The following KICS2 variants were observed in gnomAD, a reference collection of about 807,000 sequenced individuals.
KICS2 encodes the protein KICSTOR subunit 2.
KICS2 carries 13 observed loss-of-function variants against 31.4 expected under a neutral mutation model. The observed-to-expected ratio is 0.41, with a 90% CI of 0.27 to 0.66. The LOEUF is 0.66. KICS2 is among the 30% of genes least tolerant of loss of function. The pLI is 0.28. For synonymous variants in KICS2, 209 were observed against 214.8 expected, an observed-to-expected ratio of 0.97 and a Z score of 0.24; for missense variants, 455 against 545.4, an observed-to-expected ratio of 0.83 and a Z score of 1.65.
At chr12:64,214,874 T>G (rs1392419923) in intron 2 of KICS2, among the ~76,000 whole-genome samples, 2 of 152,198 alleles carry the variant, frequency 1.3e-5, no homozygotes, top group African/African-American at 4.8e-5. Context: ...CTAAACTGTA[T>G]GGCAGAAACT....
intron 2 of KICS2, among the ~76,000 whole-genome samples, chr12:64,210,381 G>C (rs2037572307): frequency 1.3e-5 from 2 of 152,200 alleles, no homozygotes; most frequent in Admixed American, 1.3e-4. Context: ...ACTGCCCTAA[G>C]AACTTTGAAA....
chr12:64,216,553 T>C (rs1283193036), intron 1 of KICS2, among the ~76,000 whole-genome samples: 1 of 152,162 alleles, frequency 6.6e-6, no homozygotes, highest in African/African-American at 2.4e-5. Flanking sequence ...GAAAACAGAC[T>C]ACTGGGATCC....
intron 2 of KICS2, among the ~76,000 whole-genome samples, chr12:64,202,047 T>A (rs555144520): frequency 2.0e-5 from 3 of 152,328 alleles, no homozygotes; most frequent in African/African-American, 7.2e-5. Flanking sequence ...AAAATGCAAT[T>A]ATACTACAAG....
chr12:64,212,752 AT>A (rs1052086761), intron 2 of KICS2, among the ~76,000 whole-genome samples: 3 of 152,162 alleles, frequency 2.0e-5, no homozygotes, highest in Non-Finnish European at 2.9e-5. Flanking sequence ...TATATTTGCA[AT>A]TTTTTATAGC....
chr12:64,210,631 T>G (rs533270892), intron 2 of KICS2, among the ~76,000 whole-genome samples: 1 of 151,962 alleles, frequency 6.6e-6, no homozygotes, highest in Non-Finnish European at 1.5e-5. Flanking sequence ...AAAATAATTA[T>G]CCAGGGATGG....
intron 1 of KICS2, among the ~76,000 whole-genome samples, chr12:64,220,667 T>G (rs1175414355): frequency 6.6e-6 from 1 of 152,128 alleles, no homozygotes; most frequent in Non-Finnish European, 1.5e-5. Flanking sequence ...TCCACCCCAT[T>G]TTCACATATA....
At position 64,196,013 on chromosome 12, in the gene KICS2, G is replaced by A. The variant is rs1486102289; in HGVS notation, c.522-1355C>T. Reference sequence around the variant, plus strand: ...TGAGATCAAACTGCAAGGCGGCAGCGAGGCTGGGGGAGGGGCGCCCGCCAT... The same window carrying A: ...TGAGATCAAACTGCAAGGCGGCAGCAAGGCTGGGGGAGGGGCGCCCGCCAT... On this transcript the variant is annotated intron_variant, in intron 2 of 2. Transcript: ENST00000398055. 1.7e-4 allele frequency among the ~76,000 whole-genome samples: 26 copies of A among 152,312 alleles called. 1 individual carries two copies. The highest frequency in any genetic ancestry group is 6.0e-4 in the African/African-American group (25 of 41,560).
At position 64,193,409 on chromosome 12, in the gene KICS2, A is replaced by C; in HGVS notation, c.*433T>G. 1.0e-6 allele frequency: 1 copy of C among 987,044 alleles called. No individual in the cohort carries two copies. The highest frequency in any genetic ancestry group is 1.2e-6 in the Non-Finnish European group (1 of 830,980). The allele number at this position is 987,044 out of a possible 1,614,324, so 61.1% of individuals were successfully genotyped here. ...CTAATTTATGAGACAGAAAACATAT[A>C]GTTCTTAATTCTAAAAAGGCCATTT... On this transcript the variant is annotated 3_prime_UTR_variant, in exon 3 of 3. Coordinates refer to ENST00000398055, the MANE Select transcript of KICS2 (RefSeq NM_152440.5).
At chr12:64,208,556 C>A (rs2037559191) in intron 2 of KICS2, among the ~76,000 whole-genome samples, 1 of 152,144 alleles carries the variant, frequency 6.6e-6, no homozygotes. Context: ...TATACACATG[C>A]AACTAACAAA....
Position 64,218,082 on chromosome 12 carries a change from A to G in KICS2, c.236-2119T>C, listed in dbSNP as rs1429213694. ...CTGGCACATCATTTCTCCAACTAAT[A>G]CAATTAAAGTCCATATGGGTACAGG... On this transcript the variant is annotated intron_variant, in intron 1 of 2. Coordinates refer to ENST00000398055, the MANE Select transcript of KICS2 (RefSeq NM_152440.5). Among the ~76,000 whole-genome samples the G allele has an allele frequency of 2.6e-5, 4 of 152,198 alleles. No homozygotes were observed. In the East Asian group the frequency reaches 5.8e-4, roughly 22 times the overall value.
chr12:64,218,757 A>C (rs562293583), intron 1 of KICS2, among the ~76,000 whole-genome samples: 1 of 152,274 alleles, frequency 6.6e-6, no homozygotes, highest in African/African-American at 2.4e-5. Flanking sequence ...ATCTGGGGGA[A>C]CGGAAACACT....
At chr12:64,203,143 G>A (rs1435875572) in intron 2 of KICS2, among the ~76,000 whole-genome samples, 5 of 152,038 alleles carry the variant, frequency 3.3e-5, no homozygotes, top group Non-Finnish European at 5.9e-5. Flanking sequence ...TCCTCTATTC[G>A]CTCCTTTGTC....
At chr12:64,186,607 A>G (rs2037341385), downstream of KICS2, 1 of 152,250 alleles carries the variant, frequency 6.6e-6, no homozygotes, top group Non-Finnish European at 1.5e-5. Context: ...AGGCTATTTA[A>G]ACATAATGAT....
rs369744797 is a variant in KICS2 at position 64,215,793 on chromosome 12, G to A, written c.406C>T (p.Arg136Trp). Residue 136 changes from arginine to tryptophan, a missense_variant, in exon 2 of 3, where the codon CGG becomes TGG. By Grantham distance (101) the Arg-to-Trp change is moderately radical. Coordinates refer to ENST00000398055, the MANE Select transcript of KICS2 (RefSeq NM_152440.5). Reference sequence around the variant, plus strand: ...TCATAGAAGTCTGCTATCTCCATCCGAGCCTGAACAAAGAAGCAGAGCTGC... The same window carrying A: ...TCATAGAAGTCTGCTATCTCCATCCAAGCCTGAACAAAGAAGCAGAGCTGC... Reference protein sequence around the residue: ...SEQLCFFVQARMEIADFYEKM... With the variant: ...SEQLCFFVQAWMEIADFYEKM... 13 of 1,613,878 alleles carry A rather than the reference G, an allele frequency of 8.1e-6. No homozygotes were observed. The highest frequency in any genetic ancestry group is 1.7e-5 in the Admixed American group (1 of 59,958).
rs961434069 is a variant in KICS2, at chr12:64,194,736, A to G, written c.522-78T>C. The G allele has an allele frequency of 1.6e-5, 24 of 1,477,910 alleles. No individual in the cohort carries two copies. The African/African-American group carries it at 3.2e-4, about 20-fold the overall frequency. 91.5% of individuals were successfully genotyped at this position (1,477,910 alleles called of 1,614,324 possible). The stretch of plus-strand genomic sequence containing the variant: ...ACTGACATTTTTCTAACCACAAAGC[A>G]ACAAAATGGCCAAACATAATATTAT... On this transcript the variant is annotated intron_variant, in intron 2 of 2. Coordinates refer to ENST00000398055, the MANE Select transcript of KICS2 (RefSeq NM_152440.5).
intron 2 of KICS2, among the ~76,000 whole-genome samples, chr12:64,215,115 G>A (rs142986444): frequency 0.014 from 2,072 of 150,762 alleles, 51 homozygotes; most frequent in African/African-American, 0.047. Flanking sequence ...AGACCAGCCC[G>A]GCCAATATGG....
At chr12:64,187,730 T>C, downstream of KICS2, 1 of 1,221,772 alleles carries the variant, frequency 8.2e-7, no homozygotes, top group Non-Finnish European at 1.1e-6. Flanking sequence ...ATAGCATGTT[T>C]TTTGTTTCTC....
chr12:64,222,000 T>C lies in KICS2; in HGVS notation c.235+3A>G. ...AGGGGCTCGGGGGGCGGGGCGGAGG[T>C]ACCTAGTTTCTGCCCCAGGTAGGTG... is the stretch of plus-strand genomic sequence containing the variant. On this transcript the variant is annotated splice_donor_region_variant and intron_variant, in intron 1 of 2. Coordinates refer to ENST00000398055, the MANE Select transcript of KICS2 (RefSeq NM_152440.5). 6.6e-7 allele frequency: 1 copy of C among 1,520,636 alleles called. No homozygotes were observed. Among genetic ancestry groups the C allele is most frequent in the Non-Finnish European group, 9.1e-7 (1 of 1,104,232 alleles). The allele number at this position is 1,520,636 out of a possible 1,614,324, so 94.2% of individuals were successfully genotyped here. A position where few individuals can be genotyped will look rare whatever the true frequency, so the allele number is the denominator to read the frequency against.
At chr12:64,187,992 T>C (rs1592375757), downstream of KICS2, among the ~76,000 whole-genome samples, 3 of 152,184 alleles carry the variant, frequency 2.0e-5, no homozygotes, top group African/African-American at 7.2e-5. Context: ...GTTCATGAAG[T>C]GGCTAGGATT....
Sources: allele counts gnomAD v4.1 joint callset (sites outside exome capture counted in the v4.1 genomes callset), GRCh38; gene constraint gnomAD v4.1.1; transcripts MANE v1.5; gene names NCBI Gene and HGNC (gene_info 2026-07-23, HGNC 2026-07-21).